Variants in TET2 observed in about 807,000 individuals in gnomAD.
TET2 encodes the protein methylcytosine dioxygenase TET2.
Under a neutral mutation model 142.9 loss-of-function variants are expected in TET2, and 299 were observed. That is an observed-to-expected ratio of 2.09 (90% confidence interval 1.90 to 2.30). The LOEUF (loss-of-function observed/expected upper bound fraction) is 2.30, where lower values mean the gene tolerates loss of function less well. Among genes scored for constraint, TET2 ranks in the 30% most tolerant of loss-of-function variants. The pLI, the probability that TET2 is intolerant of heterozygous loss-of-function variation, is 0.00. For synonymous variants in TET2, 819 were observed against 849.0 expected, an observed-to-expected ratio of 0.96 and a Z score of 0.61; for missense variants, 2,418 against 2,378.0, an observed-to-expected ratio of 1.02 and a Z score of -0.35.
At chr4:105,275,001 T>C (rs2110310806) in intron 10 of TET2, 47 bp from the exon 11 acceptor site, 1 of 1,460,930 alleles carries the variant, frequency 6.8e-7, no homozygotes, top group Middle Eastern at 2.1e-4. Context: ...AAAATAATCA[T>C]CAACATCAAA....
At chr4:105,199,996 G>A (rs1046985588) in intron 2 of TET2, among the ~76,000 whole-genome samples, 2 of 152,074 alleles carry the variant, frequency 1.3e-5, no homozygotes, top group African/African-American at 4.8e-5. Flanking sequence ...TAGGACTGCA[G>A]TGAAAATATG....
In TET2 at chr4:105,234,826, C is replaced by T. The variant is rs756732317; in HGVS notation, c.884C>T (p.Ala295Val). ...PPKPAAVVSEACDADDADNAS... is the reference protein window; with the variant it reads ...PPKPAAVVSEVCDADDADNAS... The stretch of plus-strand genomic sequence containing the variant: ...AAGCCAGCTGCAGTGGTGAGTGAGG[C>T]CTGTGATGCTGATGATGCTGATAAT... The change falls in exon 3 of 11, where the codon GCC (alanine) becomes GTC (valine). Residue 295 changes from alanine (A) to valine (V), a missense_variant. Coordinates refer to ENST00000380013, the MANE Select transcript of TET2 (RefSeq NM_001127208.3). 2.5e-6 allele frequency: 4 copies of T among 1,613,894 alleles called. No homozygotes were observed. In the South Asian group the frequency reaches 4.4e-5, roughly 18 times the overall value.
At position 105,279,517 on chromosome 4, in the gene TET2, G is replaced by A; in HGVS notation, c.*2998G>A. ...AATTTTTCATCTTGATTGACGCACA[G>A]TGATGTACAGTTCACTTCTGAAGCT... On this transcript the variant is annotated 3_prime_UTR_variant, in exon 11 of 11. Coordinates refer to ENST00000380013, the MANE Select transcript of TET2 (RefSeq NM_001127208.3). The A allele has an allele frequency of 4.3e-6, 1 of 232,684 alleles. No individual in the cohort carries two copies. Among genetic ancestry groups the A allele is most frequent in the Non-Finnish European group, 8.5e-6 (1 of 117,726 alleles). 14.4% of individuals were successfully genotyped at this position (232,684 alleles called of 1,614,324 possible). A position where few individuals can be genotyped will look rare whatever the true frequency, so the allele number is the denominator to read the frequency against.
intron 2 of TET2, among the ~76,000 whole-genome samples, chr4:105,231,927 A>G (rs1728530167): frequency 6.6e-6 from 1 of 152,142 alleles, no homozygotes; most frequent in Non-Finnish European, 1.5e-5. Flanking sequence ...TGCAGGTTAT[A>G]TAGGTGAATT....
Position 105,234,934 on chromosome 4 carries a change from T to G in TET2, c.992T>G (p.Ile331Arg). The part of the protein sequence containing the change: ...QLQQQKSVFE[I>R]CPSPAENNIQ... Reference sequence around the variant, plus strand: ...CAACAACAAAAATCAGTTTTTGAGATATGCCCATCTCCTGCAGAAAATAAC... The same window carrying G: ...CAACAACAAAAATCAGTTTTTGAGAGATGCCCATCTCCTGCAGAAAATAAC... The change falls in exon 3 of 11, where the codon ATA (isoleucine) becomes AGA (arginine). Residue 331 changes from isoleucine to arginine, a missense_variant. Ile to Arg is a moderately conservative substitution (Grantham distance 97, BLOSUM62 -3). Transcript: ENST00000380013. 1 of 1,614,054 alleles carries G rather than the reference T, an allele frequency of 6.2e-7. No homozygotes were observed.
chr4:105,194,260 C>T (rs1725951745), intron 2 of TET2, among the ~76,000 whole-genome samples: 2 of 152,156 alleles, frequency 1.3e-5, no homozygotes, highest in Admixed American at 6.5e-5. Context: ...TACCCTTTCT[C>T]ATGAAACAGA....
At chr4:105,240,080 A>G in intron 3 of TET2, 1 of 235,458 alleles carries the variant, frequency 4.2e-6, no homozygotes, top group East Asian at 6.6e-5. Context: ...CCCAAAAATT[A>G]GAATAGTAAC....
chr4:105,161,188 G>C (rs1723839658), intron 1 of TET2, among the ~76,000 whole-genome samples: 1 of 152,142 alleles, frequency 6.6e-6, no homozygotes, highest in African/African-American at 2.4e-5. Context: ...TTCTCATTTA[G>C]AGGAAATTAC....
At chr4:105,163,935 T>C (rs1158879774) in intron 1 of TET2, among the ~76,000 whole-genome samples, 1 of 151,156 alleles carries the variant, frequency 6.6e-6, no homozygotes, top group Admixed American at 6.6e-5. Flanking sequence ...TCCACAAAAC[T>C]GTACACATTT....
chr4:105,261,070 C>CT (rs537773871), intron 7 of TET2, among the ~76,000 whole-genome samples: 84 of 145,908 alleles, frequency 5.8e-4, no homozygotes, highest in South Asian at 8.7e-4. Context: ...TGTCTCACAA[C>CT]TTTTTTTTTT....
intron 1 of TET2, among the ~76,000 whole-genome samples, chr4:105,187,116 T>G (rs1725503533): frequency 6.6e-6 from 1 of 152,032 alleles, no homozygotes; most frequent in South Asian, 2.1e-4. Flanking sequence ...GAGAGGGAAA[T>G]CCCCCTAGAA....
intron 3 of TET2, chr4:105,239,161 C>A (rs1560550139): frequency 4.4e-6 from 1 of 227,690 alleles, no homozygotes; most frequent in Non-Finnish European, 9.4e-6. Flanking sequence ...GTGTTATCAT[C>A]CAGACTTTGT....
rs2110232769 is a variant in TET2 at position 105,236,231 on chromosome 4, C to A, written c.2289C>A (p.Pro763=). 1.9e-6 allele frequency: 3 copies of A among 1,614,074 alleles called. No homozygotes were observed. Among genetic ancestry groups the A allele is most frequent in the Non-Finnish European group, 2.5e-6 (3 of 1,180,014 alleles). Residue 763 remains proline, a synonymous_variant, in exon 3 of 11, where the codon CCC becomes CCA. Transcript: ENST00000380013. ...KEEILQTFPH[P]QSNNDQQREG... is the part of the protein sequence containing the mutation. ...AAATACTCCAGACTTTTCCTCACCC[C>A]CAAAGCAACAATGATCAGCAAAGAG...
rs1437149807 is a variant in TET2 at position 105,239,240 on chromosome 4, G to A, written c.3409+1889G>A. The stretch of plus-strand genomic sequence containing the variant: ...TTAAGGGCCTTGGAATTTTCAGAAT[G>A]GTAAATGAGTATGGGCTTCAACTTA... On this transcript the variant is annotated intron_variant, in intron 3 of 10. Coordinates refer to ENST00000380013, the MANE Select transcript of TET2 (RefSeq NM_001127208.3). 5 of 241,706 alleles carry A rather than the reference G, an allele frequency of 2.1e-5. No homozygotes were observed. In the East Asian group the frequency reaches 3.2e-4, roughly 15 times the overall value. The allele number at this position is 241,706 out of a possible 1,614,324, so 15.0% of individuals were successfully genotyped here.
chr4:105,219,619 A>G (rs544113547), intron 2 of TET2, among the ~76,000 whole-genome samples: 153 of 152,136 alleles, frequency 1.0e-3, no homozygotes, highest in African/African-American at 3.6e-3. Context: ...GTTAATTTCT[A>G]CCTTTTGATA....
chr4:105,226,022 A>G (rs1489644810), intron 2 of TET2, among the ~76,000 whole-genome samples: 1 of 152,210 alleles, frequency 6.6e-6, no homozygotes, highest in Non-Finnish European at 1.5e-5. Flanking sequence ...AAAGACATGC[A>G]AAATGCCCTT....
At chr4:105,264,153 A>ATTTGTAAGTTATTTTATGTCAAATTATG in intron 8 of TET2, among the ~76,000 whole-genome samples, 1 of 146,722 alleles carries the variant, frequency 6.8e-6, no homozygotes, top group East Asian at 2.0e-4. Context: ...ACGATGGTCT[A>ATTTGTAAGTTATTTTATGTCAAATTATG]TTTGTAAGTT....
intron 1 of TET2, among the ~76,000 whole-genome samples, chr4:105,152,575 C>T (rs1723358841): frequency 6.9e-6 from 1 of 145,686 alleles, no homozygotes; most frequent in African/African-American, 2.5e-5. Flanking sequence ...ATTTTCTTTT[C>T]CTTTTTCTTT....
At chr4:105,209,914 G>A (rs1727060878) in intron 2 of TET2, among the ~76,000 whole-genome samples, 1 of 152,114 alleles carries the variant, frequency 6.6e-6, no homozygotes, top group Non-Finnish European at 1.5e-5. Flanking sequence ...ATGAGATGGT[G>A]ACAGCATGAG....
Sources: allele counts gnomAD v4.1 joint callset (sites outside exome capture counted in the v4.1 genomes callset), GRCh38; gene constraint gnomAD v4.1.1; transcripts MANE v1.5; gene names NCBI Gene and HGNC (gene_info 2026-07-23, HGNC 2026-07-21).